The following TGFB2 variants were observed in gnomAD, a reference collection of about 807,000 sequenced individuals.
The protein encoded by TGFB2 is transforming growth factor beta-2 proprotein.
TGFB2 carries 13 observed loss-of-function variants against 42.7 expected under a neutral mutation model. The observed-to-expected ratio is 0.30, with a 90% CI of 0.20 to 0.48. The LOEUF (loss-of-function observed/expected upper bound fraction) is 0.48, where lower values mean the gene tolerates loss of function less well. TGFB2 is among the 20% of genes least tolerant of loss of function. The pLI is 0.99. For synonymous variants in TGFB2, 193 were observed against 193.6 expected (o/e 1.00, Z 0.03); for missense variants, 390 against 517.5 (o/e 0.75, Z 2.39).
rs5012300 is a variant in TGFB2, at chr1:218,421,376, T to G, written c.511-12706T>G. Among the ~76,000 whole-genome samples the G allele has an allele frequency of 2.5e-3, 300 of 118,622 alleles. 1 individual carries two copies. Among genetic ancestry groups the G allele is most frequent in the African/African-American group, 7.9e-3 (259 of 32,902 alleles). The allele number at this position is 118,622 out of a possible 152,430, so 77.8% of individuals were successfully genotyped here. A position where few individuals can be genotyped will look rare whatever the true frequency, so the allele number is the denominator to read the frequency against. On this transcript the variant is annotated intron_variant, in intron 2 of 6. Coordinates refer to ENST00000366930, the MANE Select transcript of TGFB2 (RefSeq NM_003238.6). Reference sequence around the variant, plus strand: ...GTGTTTAAAATTCCAAGAAGCAGTTTTTTTTTTTTTTTATCACTATAAAAG... The same window carrying G: ...GTGTTTAAAATTCCAAGAAGCAGTTGTTTTTTTTTTTTATCACTATAAAAG...
chr1:218,441,175 G>A (rs751773513), intron 6 of TGFB2, 29 bp from the exon 7 acceptor site: 4 of 1,580,096 alleles, frequency 2.5e-6, no homozygotes, highest in Admixed American at 2.0e-5. Context: ...CTTTCCCTAT[G>A]TTGTCTCTCC....
At chr1:218,372,643 C>A (rs1266863023) in intron 1 of TGFB2, among the ~76,000 whole-genome samples, 1 of 152,138 alleles carries the variant, frequency 6.6e-6, no homozygotes, top group Non-Finnish European at 1.5e-5. Flanking sequence ...GCACTGGTAC[C>A]ATGGCAAAGA....
chr1:218,358,831 C>T (rs916372090), intron 1 of TGFB2, among the ~76,000 whole-genome samples: 1 of 152,014 alleles, frequency 6.6e-6, no homozygotes, highest in South Asian at 2.1e-4. Context: ...CGTGAGCCAC[C>T]GCACCCAGCA....
At chr1:218,429,230 C>T (rs573878430) in intron 2 of TGFB2, among the ~76,000 whole-genome samples, 7 of 152,332 alleles carry the variant, frequency 4.6e-5, no homozygotes, top group Admixed American at 2.0e-4. Context: ...ATCCACCTGC[C>T]TTGGCCTCCC....
At chr1:218,411,561 T>C (rs1659098669) in intron 2 of TGFB2, among the ~76,000 whole-genome samples, 1 of 152,136 alleles carries the variant, frequency 6.6e-6, no homozygotes, top group Non-Finnish European at 1.5e-5. Flanking sequence ...AGGTAGAAAC[T>C]GCAAGTCCTC....
chr1:218,348,483 AG>A (rs1656766317), intron 1 of TGFB2, among the ~76,000 whole-genome samples: 1 of 152,298 alleles, frequency 6.6e-6, no homozygotes, highest in East Asian at 1.9e-4. Flanking sequence ...CAGTCTTCCT[AG>A]TGACCCTTAT....
intron 1 of TGFB2, among the ~76,000 whole-genome samples, chr1:218,369,652 T>G (rs550866575): frequency 6.6e-6 from 1 of 152,160 alleles, no homozygotes; most frequent in African/African-American, 2.4e-5. Context: ...GTACTCGCGG[T>G]GAAGCCTAGT....
At chr1:218,378,423 C>T (rs933414776) in intron 1 of TGFB2, among the ~76,000 whole-genome samples, 10 of 152,120 alleles carry the variant, frequency 6.6e-5, no homozygotes, top group African/African-American at 2.2e-4. Context: ...GTGATCCGCC[C>T]GCCTCGGCCT....
chr1:218,361,045 G>A (rs181997050), intron 1 of TGFB2, among the ~76,000 whole-genome samples: 2 of 152,212 alleles, frequency 1.3e-5, no homozygotes, highest in African/African-American at 4.8e-5. Context: ...AGTAGAGACG[G>A]AGTTTCACCA....
chr1:218,387,067 C>T (rs1380009886), intron 1 of TGFB2, among the ~76,000 whole-genome samples: 2 of 152,128 alleles, frequency 1.3e-5, no homozygotes, highest in African/African-American at 4.8e-5. Context: ...AGAGACACTT[C>T]TAAAAAGAGG....
At chr1:218,376,154 G>A (rs527714308) in intron 1 of TGFB2, among the ~76,000 whole-genome samples, 57 of 152,258 alleles carry the variant, frequency 3.7e-4, no homozygotes, top group Admixed American at 2.9e-3. Flanking sequence ...TGGTAAGTGC[G>A]TACATCTCCC....
intron 1 of TGFB2, among the ~76,000 whole-genome samples, chr1:218,350,623 A>C (rs1366745726): frequency 3.3e-5 from 5 of 152,194 alleles, no homozygotes; most frequent in Non-Finnish European, 5.9e-5. Flanking sequence ...ACTGAATAGG[A>C]GGATAGTCAG....
At chr1:218,397,368 C>T (rs567800104) in intron 1 of TGFB2, among the ~76,000 whole-genome samples, 1 of 151,874 alleles carries the variant, frequency 6.6e-6, no homozygotes, top group East Asian at 1.9e-4. Flanking sequence ...TTGAGACCAT[C>T]CTGGCTAACA....
chr1:218,438,696 G>C (rs1660051679), intron 6 of TGFB2, among the ~76,000 whole-genome samples: 1 of 152,100 alleles, frequency 6.6e-6, no homozygotes. Flanking sequence ...TGAGTTTCCG[G>C]CAAGATTAGA....
At chr1:218,436,913 G>A (rs985619469) in intron 5 of TGFB2, among the ~76,000 whole-genome samples, 46 of 152,178 alleles carry the variant, frequency 3.0e-4, no homozygotes, top group Admixed American at 3.9e-4. Context: ...AAAGGAAAAC[G>A]CCTTAGATGG....
intron 2 of TGFB2, among the ~76,000 whole-genome samples, chr1:218,415,322 G>A (rs1269911775): frequency 6.6e-6 from 1 of 152,108 alleles, no homozygotes; most frequent in Admixed American, 6.5e-5. Context: ...TGGGTTCTTG[G>A]TTGCTGTCCC....
In TGFB2 at chr1:218,436,024, C is replaced by G. The variant is rs947761185; in HGVS notation, c.809C>G (p.Thr270Ser). Residue 270 changes from threonine to serine, a missense_variant, in exon 5 of 7, where the codon ACT becomes AGT. Thr to Ser is a moderately conservative substitution (Grantham distance 58). Transcript: ENST00000366930. The part of the protein sequence containing the change: ...TSGDQKTIKS[T>S]RKKNSGKTPH... ...GGTGATCAGAAAACTATAAAGTCCA[C>G]TAGGAAAAAAAACAGTGGGAAGACC... 9 of 1,613,880 alleles carry G rather than the reference C, an allele frequency of 5.6e-6. No individual in the cohort carries two copies. Among genetic ancestry groups the G allele is most frequent in the Admixed American group, 1.7e-5 (1 of 60,000 alleles).
chr1:218,402,578 G>A (rs541044930), intron 1 of TGFB2, among the ~76,000 whole-genome samples: 8 of 152,268 alleles, frequency 5.3e-5, no homozygotes, highest in Non-Finnish European at 1.0e-4. Flanking sequence ...AAACACAAAA[G>A]AGATAAAAAT....
Position 218,441,257 on chromosome 1 carries a change from C to T in TGFB2, c.1140C>T (p.Cys380=), listed in dbSNP as rs201129153. The T allele has an allele frequency of 4.0e-5, 64 of 1,613,734 alleles. No individual in the cohort carries two copies. The highest frequency in any genetic ancestry group is 1.6e-4 in the African/African-American group (12 of 75,028). ...CAGAAGCATCTGCTTCTCCTTGCTGCGTGTCCCAAGATTTAGAACCTCTAA... is the reference window on the plus strand; with the variant it reads ...CAGAAGCATCTGCTTCTCCTTGCTGTGTGTCCCAAGATTTAGAACCTCTAA... The part of the protein sequence containing the change: ...INPEASASPC[C]VSQDLEPLTI... Residue 380 remains cysteine, a synonymous_variant, in exon 7 of 7, where the codon TGC becomes TGT. Coordinates refer to ENST00000366930, the MANE Select transcript of TGFB2 (RefSeq NM_003238.6).
Sources: gnomAD v4.1 joint callset for allele counts (sites outside exome capture counted in the v4.1 genomes callset) on GRCh38, gnomAD v4.1.1 for gene constraint, MANE v1.5 for transcripts, NCBI Gene and HGNC (gene_info 2026-07-23, HGNC 2026-07-21) for gene names.